IQSEC2: variants seen among roughly 807,000 people sequenced by gnomAD.
IQSEC2 encodes IQ motif and SEC7 domain-containing protein 2.
In IQSEC2, 6 loss-of-function variants were observed where a neutral mutation model predicts 74.6. The ratio of observed to expected loss-of-function variants is 0.08; its 90% CI spans 0.04 to 0.16. IQSEC2 has a LOEUF of 0.16. Ranked by LOEUF, IQSEC2 falls within the 10% of genes least tolerant of loss-of-function variation. IQSEC2 has a pLI of 1.00. For missense variants in IQSEC2, 734 were observed against 1,306.2 expected, an observed-to-expected ratio of 0.56 and a Z score of 6.75; for synonymous variants, 494 against 544.5, an observed-to-expected ratio of 0.91 and a Z score of 1.29.
chrX:53,285,172 G>C (rs1556871537), intron 2 of IQSEC2, among the ~76,000 whole-genome samples: 1 of 108,245 alleles, frequency 9.2e-6, no homozygotes, highest in African/African-American at 3.3e-5. Flanking sequence ...CCACTTAGAT[G>C]TCAGCTTGGA....
intron 2 of IQSEC2, among the ~76,000 whole-genome samples, chrX:53,291,154 C>T (rs1357742126): frequency 9.1e-6 from 1 of 110,330 alleles, no homozygotes; most frequent in Non-Finnish European, 1.9e-5. Flanking sequence ...TATATAATCC[C>T]TATACTTGAC....
chrX:53,310,629 A>G lies in IQSEC2; in HGVS notation c.707+9788T>C, dbSNP rs782483559. ...ACCCGGGGTAGAGCTGCCCAGCCCA[A>G]GGTAATGGGGATATACTAAAGACAG... On this transcript the variant is annotated intron_variant, in intron 1 of 14. Coordinates refer to ENST00000642864, the MANE Select transcript of IQSEC2 (RefSeq NM_001111125.3). Among the ~76,000 whole-genome samples, 52 of 110,574 alleles carry G rather than the reference A, an allele frequency of 4.7e-4. 1 individual carries two copies. The highest frequency in any genetic ancestry group is 4.6e-3 in the Admixed American group (47 of 10,308).
Position 53,239,709 on chromosome X carries a change from C to G in IQSEC2, c.3016-415G>C, listed in dbSNP as rs782781423. On this transcript the variant is annotated intron_variant, in intron 10 of 14. Transcript: ENST00000642864. ...GACTGGAGGGCAGGAGTCTGGTTGT[C>G]GGGTTCTGTCACCAGGCCTTACCAG... The G allele has an allele frequency of 3.7e-5, 7 of 191,504 alleles. No homozygotes were observed. In the East Asian group the frequency reaches 4.2e-4, roughly 11 times the overall value. 15.8% of individuals were successfully genotyped at this position (191,504 alleles called of 1,213,427 possible).
chrX:53,281,211 G>A (rs940664980), intron 2 of IQSEC2, among the ~76,000 whole-genome samples: 1 of 112,578 alleles, frequency 8.9e-6, no homozygotes, highest in Admixed American at 9.3e-5. Context: ...GCCCTGCAGT[G>A]CCTCGCACAC....
In IQSEC2 at chrX:53,233,702, T is replaced by C; in HGVS notation, c.*517A>G. ...GCAGGCAAAAAGACACATGGAAGTG[T>C]GTGGCCAGGCCCTGAGGTCAGAGAG... On this transcript the variant is annotated 3_prime_UTR_variant, in exon 15 of 15. Coordinates refer to ENST00000642864, the MANE Select transcript of IQSEC2 (RefSeq NM_001111125.3). The C allele has an allele frequency of 3.4e-6, 1 of 290,779 alleles. No homozygotes were observed. The highest frequency in any genetic ancestry group is 6.0e-6 in the Non-Finnish European group (1 of 166,118). The allele number at this position is 290,779 out of a possible 1,213,427, so 24.0% of individuals were successfully genotyped here.
intron 1 of IQSEC2, among the ~76,000 whole-genome samples, chrX:53,293,797 A>G (rs1368149606): frequency 8.9e-6 from 1 of 111,970 alleles, no homozygotes; most frequent in Non-Finnish European, 1.9e-5. Context: ...AACACATCTA[A>G]TCACCCCCAC....
At chrX:53,244,742 T>A (rs1258463735) in intron 8 of IQSEC2, among the ~76,000 whole-genome samples, 1 of 111,479 alleles carries the variant, frequency 9.0e-6, no homozygotes, top group East Asian at 2.8e-4. Flanking sequence ...TGATCTGAAC[T>A]ATATAAAAAG....
chrX:53,318,138 A>G (rs1556879526), intron 1 of IQSEC2, among the ~76,000 whole-genome samples: 1 of 112,021 alleles, frequency 8.9e-6, no homozygotes. Context: ...AGCAACTAGT[A>G]GGGTAACCTT....
At chrX:53,292,009 G>T (rs2075105506) in intron 1 of IQSEC2, 85 bp from the exon 2 acceptor site, 8 of 795,274 alleles carry the variant, frequency 1.0e-5, no homozygotes, top group Admixed American at 5.8e-5. Context: ...GCTTTGGGGG[G>T]CCTTGAGGCC....
intron 8 of IQSEC2, among the ~76,000 whole-genome samples, chrX:53,243,790 G>A (rs1321978874): frequency 3.6e-5 from 4 of 112,536 alleles, no homozygotes; most frequent in Non-Finnish European, 7.5e-5. Flanking sequence ...AGAGTGCAGG[G>A]AAGTGGGCAT....
intron 3 of IQSEC2, 112 bp from the exon 4 acceptor site, chrX:53,255,043 C>T (rs1298546889): frequency 1.1e-5 from 8 of 742,855 alleles, no homozygotes; most frequent in Non-Finnish European, 1.6e-5. Context: ...CTTACAGCCA[C>T]CGAGAGCGCC....
rs144834862 is a variant in IQSEC2, at chrX:53,310,211, G to A, written c.707+10206C>T. Among the ~76,000 whole-genome samples the A allele has an allele frequency of 2.9e-3, 317 of 110,362 alleles. 1 individual carries two copies. Among genetic ancestry groups the A allele is most frequent in the African/African-American group, 0.01 (305 of 30,393 alleles). ...TCAAGACCAGCCCAGGCAACAGAGGGAGACTCTGTCTCTACAAAAAAAATT... is the reference window on the plus strand; with the variant it reads ...TCAAGACCAGCCCAGGCAACAGAGGAAGACTCTGTCTCTACAAAAAAAATT... On this transcript the variant is annotated intron_variant, in intron 1 of 14. Coordinates refer to ENST00000642864, the MANE Select transcript of IQSEC2 (RefSeq NM_001111125.3).
chrX:53,296,663 C>T (rs1253992240), intron 1 of IQSEC2, among the ~76,000 whole-genome samples: 1 of 110,925 alleles, frequency 9.0e-6, no homozygotes, highest in Non-Finnish European at 1.9e-5. Flanking sequence ...CGGGTTCAAG[C>T]GATTCTCTTG....
intron 4 of IQSEC2, among the ~76,000 whole-genome samples, chrX:53,252,024 C>G (rs782569626): frequency 8.9e-6 from 1 of 112,711 alleles, no homozygotes; most frequent in Non-Finnish European, 1.9e-5. Context: ...CACGCCACTA[C>G]ACTCCAGCCT....
rs1556858914 is a variant in IQSEC2 at position 53,234,258 on chromosome X, G to A, written c.4428C>T (p.Asn1476=). ...PPGTANPPSA[N]PKAKPSRIST... ...TGATCCGGCTTGGCTTGGCCTTGGG[G>A]TTTGCACTGGGGGGGTTGGCTGTGC... Residue 1476 remains asparagine, a synonymous_variant, in exon 15 of 15, where the codon AAC becomes AAT. Coordinates refer to ENST00000642864, the MANE Select transcript of IQSEC2 (RefSeq NM_001111125.3). 3 of 1,081,688 alleles carry A rather than the reference G, an allele frequency of 2.8e-6. No homozygotes were observed. Among genetic ancestry groups the A allele is most frequent in the Non-Finnish European group, 3.6e-6 (3 of 827,521 alleles). The allele number at this position is 1,081,688 out of a possible 1,213,427, so 89.1% of individuals were successfully genotyped here. A position where few individuals can be genotyped will look rare whatever the true frequency, so the allele number is the denominator to read the frequency against.
At position 53,320,551 on chromosome X, in the gene IQSEC2, C is replaced by T. The variant is rs2146549172; in HGVS notation, c.573G>A (p.Ala191=). 5 of 1,155,813 alleles carry T rather than the reference C, an allele frequency of 4.3e-6. No individual in the cohort carries two copies. The Middle Eastern group carries it at 9.4e-4, about 217-fold the overall frequency. Residue 191 remains alanine (A), a synonymous_variant, in exon 1 of 15, where the codon GCG becomes GCA. Coordinates refer to ENST00000642864, the MANE Select transcript of IQSEC2 (RefSeq NM_001111125.3). The part of the protein sequence containing the change: ...GREKEAGYSA[A]VGVGPRPPRE... ...GCGGTGGCCGCGGCCCCACGCCCAC[C>T]GCCGCCGAATAGCCCGCTTCCTTCT...
intron 13 of IQSEC2, 107 bp downstream of exon 13, chrX:53,236,215 C>A (rs2074126946): frequency 2.3e-6 from 2 of 877,342 alleles, no homozygotes; most frequent in African/African-American, 3.9e-5. Flanking sequence ...AGGCAGGGTG[C>A]GTGCATGTGT....
intron 2 of IQSEC2, chrX:53,266,813 G>T: frequency 1.9e-6 from 2 of 1,067,091 alleles, no homozygotes; most frequent in East Asian, 3.6e-5. Context: ...CAAGAAGAAG[G>T]TGGGGGGAGG....
intron 2 of IQSEC2, among the ~76,000 whole-genome samples, chrX:53,280,368 A>G (rs1228964918): frequency 9.0e-6 from 1 of 111,105 alleles, no homozygotes; most frequent in East Asian, 2.8e-4. Context: ...AGATAGAGAG[A>G]AACCGAAAGA....
Sources: allele counts gnomAD v4.1 joint callset (sites outside exome capture counted in the v4.1 genomes callset), GRCh38; gene constraint gnomAD v4.1.1; transcripts MANE v1.5; gene names NCBI Gene and HGNC (gene_info 2026-07-23, HGNC 2026-07-21).